ATRNL1: variants seen among roughly 807,000 people sequenced by gnomAD.
ATRNL1 encodes the protein attractin-like protein 1.
ATRNL1 carries 95 observed loss-of-function variants against 182.7 expected under a neutral mutation model. That is an observed-to-expected ratio of 0.52 (90% CI 0.44 to 0.62). The LOEUF is 0.62. Among genes scored for constraint, ATRNL1 ranks in the 20% least tolerant of loss-of-function variants. The pLI is 0.00. For missense variants in ATRNL1, 1,471 were observed against 1,679.5 expected, an observed-to-expected ratio of 0.88 and a Z score of 2.17; for synonymous variants, 576 against 568.3, an observed-to-expected ratio of 1.01 and a Z score of -0.19.
At chr10:115,717,496 C>A (rs1311335295) in intron 26 of ATRNL1, among the ~76,000 whole-genome samples, 1 of 150,504 alleles carries the variant, frequency 6.6e-6, no homozygotes, top group Admixed American at 6.6e-5. Context: ...ATATTTTAAG[C>A]TCAGGCTTGC....
intron 27 of ATRNL1, among the ~76,000 whole-genome samples, chr10:115,744,466 T>C (rs1264566848): frequency 6.6e-6 from 1 of 152,120 alleles, no homozygotes; most frequent in East Asian, 1.9e-4. Flanking sequence ...TCTCTTTCAG[T>C]CTAGTTCTCT....
chr10:115,798,830 C>CTT (rs66936998), intron 27 of ATRNL1, among the ~76,000 whole-genome samples: 5 of 110,352 alleles, frequency 4.5e-5, no homozygotes, highest in African/African-American at 1.4e-4. Context: ...TTTCTTTTTT[C>CTT]TTTTTTTTTT....
At chr10:115,840,283 T>A (rs528124137) in intron 27 of ATRNL1, among the ~76,000 whole-genome samples, 19 of 152,284 alleles carry the variant, frequency 1.2e-4, no homozygotes, top group African/African-American at 3.8e-4. Flanking sequence ...CTGAATTTCT[T>A]AATTAATTCA....
chr10:115,735,182 CTGTCTT>C (rs1159061308), intron 27 of ATRNL1, among the ~76,000 whole-genome samples: 7 of 152,182 alleles, frequency 4.6e-5, no homozygotes, highest in Non-Finnish European at 8.8e-5. Context: ...CTTTCCTGCT[CTGTCTT>C]TAAGTAATGC....
At chr10:115,201,574 T>G (rs1354685940) in intron 8 of ATRNL1, among the ~76,000 whole-genome samples, 1 of 152,186 alleles carries the variant, frequency 6.6e-6, no homozygotes, top group East Asian at 1.9e-4. Flanking sequence ...GGTTCTGTTC[T>G]GTTCCATTGA....
At chr10:115,706,140 C>G (rs1946889418) in intron 26 of ATRNL1, among the ~76,000 whole-genome samples, 1 of 151,840 alleles carries the variant, frequency 6.6e-6, no homozygotes. Context: ...AAATCAAGGT[C>G]TCTGTAGCCA....
At chr10:115,937,671 C>G (rs1953602165) in intron 28 of ATRNL1, among the ~76,000 whole-genome samples, 1 of 152,022 alleles carries the variant, frequency 6.6e-6, no homozygotes, top group Non-Finnish European at 1.5e-5. Flanking sequence ...GAAGGATAGC[C>G]AAGACTTTGA....
intron 26 of ATRNL1, among the ~76,000 whole-genome samples, chr10:115,694,865 T>A (rs1946502976): frequency 6.7e-6 from 1 of 149,580 alleles, no homozygotes; most frequent in Admixed American, 6.7e-5. Flanking sequence ...AGTGAATGAG[T>A]GCATTCTATT....
intron 10 of ATRNL1, among the ~76,000 whole-genome samples, chr10:115,243,613 A>G (rs1362980853): frequency 2.0e-5 from 3 of 152,026 alleles, no homozygotes; most frequent in African/African-American, 7.2e-5. Flanking sequence ...CATCATGCTG[A>G]TTAGTTGGGC....
chr10:115,612,159 G>A (rs1857194794), intron 26 of ATRNL1, among the ~76,000 whole-genome samples: 1 of 152,066 alleles, frequency 6.6e-6, no homozygotes, highest in African/African-American at 2.4e-5. Context: ...GGCTGAGGCA[G>A]GAGAATCGCT....
chr10:115,778,546 C>T (rs1555078500), intron 27 of ATRNL1, among the ~76,000 whole-genome samples: 1 of 152,116 alleles, frequency 6.6e-6, no homozygotes, highest in Non-Finnish European at 1.5e-5. Context: ...AAGAATGATC[C>T]AATGAACGAA....
At chr10:115,898,838 A>AGT (rs1952274128) in intron 28 of ATRNL1, among the ~76,000 whole-genome samples, 1 of 152,066 alleles carries the variant, frequency 6.6e-6, no homozygotes, top group African/African-American at 2.4e-5. Context: ...AAAATATGGC[A>AGT]GTTTTCACTG....
At chr10:115,203,664 A>G (rs1554893062) in intron 8 of ATRNL1, among the ~76,000 whole-genome samples, 1 of 142,740 alleles carries the variant, frequency 7.0e-6, no homozygotes, top group East Asian at 2.0e-4. Context: ...ACTGCAACCT[A>G]TGCCTCCTGA....
intron 26 of ATRNL1, among the ~76,000 whole-genome samples, chr10:115,619,742 A>T (rs1555022062): frequency 6.6e-6 from 1 of 152,234 alleles, no homozygotes; most frequent in Non-Finnish European, 1.5e-5. Flanking sequence ...AATATTTTAA[A>T]TTACATAAAA....
In ATRNL1 at chr10:115,434,294, C is replaced by T. The variant is rs186975851; in HGVS notation, c.3322+7992C>T. ...ACCTGACTTTAAAATAATGATCATA[C>T]TAGTTAACATTTATTGAGAACTTAC... On this transcript the variant is annotated intron_variant, in intron 21 of 28. Transcript: ENST00000355044. 1.1e-3 allele frequency among the ~76,000 whole-genome samples: 164 copies of T among 152,210 alleles called. 2 individuals carry two copies. Among genetic ancestry groups the T allele is most frequent in the African/African-American group, 3.9e-3 (160 of 41,542 alleles).
chr10:115,356,121 T>A (rs1856493656), intron 19 of ATRNL1, among the ~76,000 whole-genome samples: 1 of 152,084 alleles, frequency 6.6e-6, no homozygotes, highest in African/African-American at 2.4e-5. Flanking sequence ...GAATTACCTT[T>A]TTTTCTCTCT....
chr10:115,778,651 C>T (rs1018580235), intron 27 of ATRNL1, among the ~76,000 whole-genome samples: 3 of 152,168 alleles, frequency 2.0e-5, no homozygotes, highest in Non-Finnish European at 2.9e-5. Flanking sequence ...TGGGCCAGAC[C>T]GCCTAGGCCT....
chr10:115,379,887 C>T (rs1013866156), intron 19 of ATRNL1, among the ~76,000 whole-genome samples: 16 of 152,176 alleles, frequency 1.1e-4, no homozygotes, highest in African/African-American at 3.9e-4. Context: ...AATGCAGTGG[C>T]GTGATCTCAG....
intron 21 of ATRNL1, among the ~76,000 whole-genome samples, chr10:115,429,142 G>A (rs193067869): frequency 2.0e-4 from 30 of 151,516 alleles, no homozygotes; most frequent in Admixed American, 1.2e-3. Context: ...TGATTTGCTG[G>A]GTGTGTAAAA....
Sources: allele counts gnomAD v4.1 joint callset (sites outside exome capture counted in the v4.1 genomes callset), GRCh38; gene constraint gnomAD v4.1.1; transcripts MANE v1.5; gene names NCBI Gene and HGNC (gene_info 2026-07-23, HGNC 2026-07-21).